Variants in LRRC4C observed in about 807,000 individuals in gnomAD.
LRRC4C encodes the protein leucine rich repeat containing 4C.
A neutral mutation model predicts 33.6 loss-of-function variants in LRRC4C; 5 were observed. That is an observed-to-expected ratio of 0.15 (90% confidence interval 0.08 to 0.31). LRRC4C has a LOEUF of 0.31. Ranked by LOEUF, LRRC4C falls within the 10% of genes least tolerant of loss-of-function variation. LRRC4C has a pLI of 1.00. For missense variants in LRRC4C, 560 were observed against 796.7 expected (o/e 0.70, Z 3.58); for synonymous variants, 329 against 302.0 (o/e 1.09, Z -0.93).
intron 2 of LRRC4C, among the ~76,000 whole-genome samples, chr11:40,682,041 C>T (rs1944714944): frequency 6.6e-6 from 1 of 151,958 alleles, no homozygotes; most frequent in Non-Finnish European, 1.5e-5. Context: ...CAAATCTCCA[C>T]TAAAGAAATT....
Position 40,853,221 on chromosome 11 carries a change from G to T in LRRC4C, c.-407+80414C>A, listed in dbSNP as rs184926347. On this transcript the variant is annotated intron_variant, in intron 2 of 6. Transcript: ENST00000528697. ...CAGTATATGATACTTGAAAATAAAT[G>T]ACTACATTACTGGCTTATTCATTTA... 1.9e-3 allele frequency among the ~76,000 whole-genome samples: 290 copies of T among 152,062 alleles called. 2 individuals are homozygous for T. The highest frequency in any genetic ancestry group is 6.8e-3 in the African/African-American group (282 of 41,532).
Position 40,627,253 on chromosome 11 carries a change from TAG to T in LRRC4C, c.-270+20887_-270+20888del, listed in dbSNP as rs58297752. 9.3e-5 allele frequency among the ~76,000 whole-genome samples: 12 copies of T among 129,028 alleles called. 1 individual carries two copies. Among genetic ancestry groups the T allele is most frequent in the African/African-American group, 2.4e-4 (8 of 33,270 alleles). 84.6% of individuals were successfully genotyped at this position (129,028 alleles called of 152,430 possible). Reference sequence around the variant, plus strand: ...TTCAAAAGCAAGCTGTGTTTCCCATTAGAGAGAGAGAGAGAGAGAGAGCGAGA... The same window carrying T: ...TTCAAAAGCAAGCTGTGTTTCCCATTAGAGAGAGAGAGAGAGAGAGCGAGA... On this transcript the variant is annotated intron_variant, in intron 3 of 6. Transcript: ENST00000528697.
At chr11:40,839,362 T>C (rs1233289978) in intron 2 of LRRC4C, among the ~76,000 whole-genome samples, 2 of 152,122 alleles carry the variant, frequency 1.3e-5, no homozygotes, top group Non-Finnish European at 2.9e-5. Context: ...TTCTCCCGCC[T>C]CAGCCTCCAA....
intron 3 of LRRC4C, among the ~76,000 whole-genome samples, chr11:40,430,620 C>G (rs893089265): frequency 9.2e-5 from 14 of 152,094 alleles, no homozygotes; most frequent in African/African-American, 3.1e-4. Flanking sequence ...CTGTGGCTGG[C>G]TGGTCAGCAC....
intron 4 of LRRC4C, among the ~76,000 whole-genome samples, chr11:40,299,347 C>A (rs572844048): frequency 1.3e-5 from 2 of 152,278 alleles, no homozygotes; most frequent in South Asian, 4.1e-4. Flanking sequence ...CTCTTTATTA[C>A]TTTAGAGAGA....
chr11:40,530,537 G>A (rs1034743095), intron 3 of LRRC4C, among the ~76,000 whole-genome samples: 1 of 152,140 alleles, frequency 6.6e-6, no homozygotes, highest in African/African-American at 2.4e-5. Flanking sequence ...ACTTAGCACA[G>A]AGCCTATGCT....
intron 1 of LRRC4C, among the ~76,000 whole-genome samples, chr11:41,255,152 TC>T (rs1157223002): frequency 3.3e-5 from 5 of 152,014 alleles, no homozygotes; most frequent in Admixed American, 3.3e-4. Context: ...CTGCCAGTGT[TC>T]CAATGAACAG....
intron 3 of LRRC4C, among the ~76,000 whole-genome samples, chr11:40,333,815 T>C (rs60393754): frequency 0.026 from 3,984 of 151,812 alleles, 171 homozygotes; most frequent in African/African-American, 0.086. Context: ...AATGATCAGA[T>C]GAGTGACTTC....
At chr11:40,494,467 G>A (rs1051556148) in intron 3 of LRRC4C, among the ~76,000 whole-genome samples, 3 of 152,092 alleles carry the variant, frequency 2.0e-5, no homozygotes, top group South Asian at 2.1e-4. Context: ...AGGAATTAAC[G>A]AATGTTGACA....
chr11:40,987,391 G>T (rs937790738), intron 1 of LRRC4C, among the ~76,000 whole-genome samples: 4 of 151,896 alleles, frequency 2.6e-5, no homozygotes, highest in Non-Finnish European at 1.5e-5. Flanking sequence ...ATAACAAAAG[G>T]CTGAATTTGG....
At chr11:41,024,866 C>A (rs564963525) in intron 1 of LRRC4C, among the ~76,000 whole-genome samples, 1 of 151,562 alleles carries the variant, frequency 6.6e-6, no homozygotes, top group Admixed American at 6.6e-5. Flanking sequence ...CAACACTATG[C>A]GCTCACTTCC....
At chr11:41,390,614 C>T (rs1953552136) in intron 1 of LRRC4C, among the ~76,000 whole-genome samples, 1 of 151,892 alleles carries the variant, frequency 6.6e-6, no homozygotes, top group Admixed American at 6.6e-5. Context: ...AACTTTTACT[C>T]ATTCCTTAGG....
chr11:40,259,566 T>A (rs1867518331), intron 4 of LRRC4C, among the ~76,000 whole-genome samples: 1 of 152,134 alleles, frequency 6.6e-6, no homozygotes, highest in South Asian at 2.1e-4. Flanking sequence ...AAGTCTTTAA[T>A]CCATCTTGAA....
intron 2 of LRRC4C, among the ~76,000 whole-genome samples, chr11:40,860,091 A>AAATAAAT (rs140127318): frequency 8.3e-5 from 12 of 144,232 alleles, no homozygotes; most frequent in South Asian, 6.9e-4. Context: ...GTCCCCCCAA[A>AAATAAAT]AAATAAATAA....
intron 3 of LRRC4C, among the ~76,000 whole-genome samples, chr11:40,359,361 T>C (rs1947842365): frequency 6.6e-6 from 1 of 152,134 alleles, no homozygotes; most frequent in South Asian, 2.1e-4. Context: ...AAATAAACTG[T>C]CATATTATTT....
chr11:40,814,187 T>G (rs1171984200), intron 2 of LRRC4C, among the ~76,000 whole-genome samples: 1 of 152,230 alleles, frequency 6.6e-6, no homozygotes, highest in African/African-American at 2.4e-5. Context: ...AGCAAGTTGC[T>G]GCCTGAACAT....
intron 3 of LRRC4C, among the ~76,000 whole-genome samples, chr11:40,352,351 TAACA>T (rs1384195825): frequency 7.2e-5 from 11 of 152,056 alleles, no homozygotes; most frequent in African/African-American, 2.4e-4. Flanking sequence ...CTAATTGCAA[TAACA>T]AACAAACAAG....
At chr11:41,271,764 T>A (rs774735511) in intron 1 of LRRC4C, among the ~76,000 whole-genome samples, 1 of 152,126 alleles carries the variant, frequency 6.6e-6, no homozygotes, top group Non-Finnish European at 1.5e-5. Context: ...TACACCTGTG[T>A]TTGAAACATA....
chr11:40,128,067 A>G (rs1212166225), intron 6 of LRRC4C, among the ~76,000 whole-genome samples: 1 of 144,734 alleles, frequency 6.9e-6, no homozygotes, highest in Non-Finnish European at 1.5e-5. Flanking sequence ...TTTAGAGTAA[A>G]ATGCCCCGGA....
Sources: allele counts gnomAD v4.1 joint callset (sites outside exome capture counted in the v4.1 genomes callset), GRCh38; gene constraint gnomAD v4.1.1; transcripts MANE v1.5; gene names NCBI Gene and HGNC (gene_info 2026-07-23, HGNC 2026-07-21).